MS4A6A: variants seen among roughly 807,000 people sequenced by gnomAD.
MS4A6A encodes the protein membrane-spanning 4-domains subfamily A member 6A.
In MS4A6A, 19 loss-of-function variants were observed where a neutral mutation model predicts 20.6. The observed-to-expected ratio is 0.92, with a 90% CI of 0.64 to 1.36. MS4A6A has a LOEUF of 1.36. Among genes scored for constraint, MS4A6A ranks in the 40% most tolerant of loss-of-function variants. The pLI is 0.00. For synonymous variants in MS4A6A, 108 were observed against 105.0 expected, an observed-to-expected ratio of 1.03 and a Z score of -0.17; for missense variants, 272 against 261.1, an observed-to-expected ratio of 1.04 and a Z score of -0.29.
intron 5 of MS4A6A, among the ~76,000 whole-genome samples, chr11:60,173,808 C>A (rs1856702375): frequency 6.6e-6 from 1 of 151,964 alleles, no homozygotes; most frequent in Admixed American, 6.6e-5. Context: ...TTGCTAATCA[C>A]CAACACCAAC....
At chr11:60,178,761 C>T (rs1167796196) in intron 3 of MS4A6A, 1 of 434,130 alleles carries the variant, frequency 2.3e-6, no homozygotes, top group Non-Finnish European at 4.6e-6. Context: ...GTAGCATGAC[C>T]CTTGATACGA....
At chr11:60,184,622 G>A (rs2083872978), upstream of MS4A6A, 1 of 152,216 alleles carries the variant, frequency 6.6e-6, no homozygotes, top group Non-Finnish European at 1.5e-5. Context: ...TAAGGATTAT[G>A]TGAGACAACA....
At chr11:60,178,454 T>C in intron 3 of MS4A6A, 138 bp from the exon 4 acceptor site, 1 of 626,904 alleles carries the variant, frequency 1.6e-6, no homozygotes, top group Non-Finnish European at 2.8e-6. Flanking sequence ...TCCATTTAAA[T>C]ACATAGATTT....
At chr11:60,184,421 A>C (rs1383012770), upstream of MS4A6A, 1 of 152,186 alleles carries the variant, frequency 6.6e-6, no homozygotes, top group Non-Finnish European at 1.5e-5. Context: ...AAACAGTGGA[A>C]TGCAGCTCTC....
rs76163709 is a variant in MS4A6A, at chr11:60,181,797, A to C, written c.-14-56T>G. The stretch of plus-strand genomic sequence containing the variant: ...AAAAGTACAGAGCTCCCAGGTTCTG[A>C]CTCCAAAAACAGTAACTCAGTCTTT... On this transcript the variant is annotated intron_variant, in intron 1 of 5. Coordinates refer to ENST00000528851, the MANE Select transcript of MS4A6A (RefSeq NM_022349.4). The C allele has an allele frequency of 6.4e-6, 10 of 1,554,460 alleles. No individual in the cohort carries two copies. In the African/African-American group the frequency reaches 1.2e-4, roughly 19 times the overall value.
intron 3 of MS4A6A, chr11:60,179,593 A>G (rs1190165224): frequency 1.5e-5 from 9 of 611,682 alleles, no homozygotes; most frequent in Non-Finnish European, 1.4e-5. Context: ...ATCATAGCTC[A>G]AGATGATAAT....
intron 5 of MS4A6A, among the ~76,000 whole-genome samples, chr11:60,173,970 G>C (rs1052732581): frequency 6.6e-6 from 1 of 152,070 alleles, no homozygotes; most frequent in Non-Finnish European, 1.5e-5. Context: ...TTCCATTACT[G>C]GAAATTGTTC....
chr11:60,181,116 CAAACA>C, intron 2 of MS4A6A: 1 of 448,462 alleles, frequency 2.2e-6, no homozygotes, highest in Non-Finnish European at 4.4e-6. Context: ...GAGAAACAGA[CAAACA>C]AAAGGTGAAT....
intron 3 of MS4A6A, among the ~76,000 whole-genome samples, chr11:60,179,267 T>C (rs908034807): frequency 6.6e-6 from 1 of 152,222 alleles, no homozygotes; most frequent in Non-Finnish European, 1.5e-5. Context: ...AAAGGACTAC[T>C]AAGTCCTTTT....
chr11:60,181,152 C>A (rs1041186706), intron 2 of MS4A6A: 5 of 418,076 alleles, frequency 1.2e-5, no homozygotes, highest in African/African-American at 1.0e-4. Context: ...TTCTCAAAAA[C>A]GTTAGGAGAA....
chr11:60,180,477 C>T (rs1403924588), intron 2 of MS4A6A: 1 of 157,096 alleles, frequency 6.4e-6, no homozygotes, highest in Non-Finnish European at 1.4e-5. Context: ...ATAGCTGAAG[C>T]TCTGGAAGCT....
At position 60,172,915 on chromosome 11, in the gene MS4A6A, T is replaced by C. The variant is rs1436843258; in HGVS notation, c.*86A>G. The C allele has an allele frequency of 1.9e-6, 3 of 1,592,126 alleles. No individual in the cohort carries two copies. The highest frequency in any genetic ancestry group is 1.7e-5 in the Admixed American group (1 of 59,396). ...ATCACAATGCAAATGCCCTCCCATG[T>C]GTATCTCATGACTGACTGATTGTTC... On this transcript the variant is annotated 3_prime_UTR_variant, in exon 6 of 6. Coordinates refer to ENST00000528851, the MANE Select transcript of MS4A6A (RefSeq NM_022349.4).
Position 60,181,601 on chromosome 11 carries a change from C to A in MS4A6A, c.127G>T (p.Ala43Ser). 6.2e-7 allele frequency: 1 copy of A among 1,614,026 alleles called. No homozygotes were observed. The highest frequency in any genetic ancestry group is 8.5e-7 in the Non-Finnish European group (1 of 1,179,970). Reference protein sequence around the residue: ...GQDSLKKHLHAEIKVIGTIQI... With the variant: ...GQDSLKKHLHSEIKVIGTIQI... ...TTTACCCCAATAACTTTGATTTCTG[C>A]GTGTAGATGTTTCTTCAGGCTATCC... is the stretch of plus-strand genomic sequence containing the variant. Residue 43 changes from alanine to serine, a missense_variant, in exon 2 of 6, where the codon GCA (alanine) becomes TCA (serine). Transcript: ENST00000528851.
intron 2 of MS4A6A, chr11:60,181,126 G>A (rs1210236998): frequency 2.3e-6 from 1 of 442,374 alleles, no homozygotes; most frequent in Non-Finnish European, 4.5e-6. Flanking sequence ...CAAACAAAAG[G>A]TGAATATCAT....
Position 60,172,518 on chromosome 11 carries a change from T to G in MS4A6A, c.*483A>C. On this transcript the variant is annotated 3_prime_UTR_variant, in exon 6 of 6. Coordinates refer to ENST00000528851, the MANE Select transcript of MS4A6A (RefSeq NM_022349.4). ...GGGGTTTGATTCAACAATACATTTT[T>G]AATATAGCTTTAAAAAGGCAAACGA... The G allele has an allele frequency of 8.5e-7, 1 of 1,174,086 alleles. No individual in the cohort carries two copies. The highest frequency in any genetic ancestry group is 3.0e-5 in the South Asian group (1 of 33,110). 72.7% of individuals were successfully genotyped at this position (1,174,086 alleles called of 1,614,324 possible). A position where few individuals can be genotyped will look rare whatever the true frequency, so the allele number is the denominator to read the frequency against.
At chr11:60,178,119 G>T in intron 4 of MS4A6A, 141 bp downstream of exon 4, 1 of 730,826 alleles carries the variant, frequency 1.4e-6, no homozygotes, top group Non-Finnish European at 2.4e-6. Context: ...GAGGATCCAG[G>T]CCCAGCTCCT....
At chr11:60,176,991 C>T (rs1335051196) in intron 4 of MS4A6A, 1 of 152,054 alleles carries the variant, frequency 6.6e-6, no homozygotes. Flanking sequence ...AGTATGGTTG[C>T]CAATAGCCAC....
Position 60,183,065 on chromosome 11 carries a change from C to A in MS4A6A, c.-102G>T. 2.0e-6 allele frequency: 3 copies of A among 1,500,664 alleles called. No individual in the cohort carries two copies. Among genetic ancestry groups the A allele is most frequent in the Admixed American group, 4.5e-5 (2 of 44,618 alleles). The allele number at this position is 1,500,664 out of a possible 1,614,324, so 93.0% of individuals were successfully genotyped here. On this transcript the variant is annotated 5_prime_UTR_variant, in exon 1 of 6. Transcript: ENST00000528851. ...CAGTCCCATCAACGGTTTCTACTTA[C>A]CTTCATCTTCTGAAAGTCATCAGCC... is the stretch of plus-strand genomic sequence containing the variant.
intron 2 of MS4A6A, 75 bp downstream of exon 2, chr11:60,181,506 G>T (rs1486413872): frequency 6.4e-7 from 1 of 1,574,212 alleles, no homozygotes; most frequent in African/African-American, 1.4e-5. Context: ...CACGACAGAT[G>T]TCCAGTCCCA....
Sources: gnomAD v4.1 joint callset for allele counts (sites outside exome capture counted in the v4.1 genomes callset) on GRCh38, gnomAD v4.1.1 for gene constraint, MANE v1.5 for transcripts, NCBI Gene and HGNC (gene_info 2026-07-23, HGNC 2026-07-21) for gene names.